Variants in CFAP95 observed in about 807,000 individuals in gnomAD.
CFAP95 encodes the protein cilia and flagella associated protein 95, also known as cilia- and flagella-associated protein 95.
the CFAP95 span, among the ~76,000 whole-genome samples, chr9:69,876,823 C>T: frequency 1.3e-5 from 2 of 152,034 alleles, no homozygotes; most frequent in South Asian, 2.1e-4. Flanking sequence ...TTAGTAGAGA[C>T]GGGGTTTCAC....
At chr9:69,872,188 T>C in the CFAP95 span, among the ~76,000 whole-genome samples, 1 of 152,194 alleles carries the variant, frequency 6.6e-6, no homozygotes, top group Non-Finnish European at 1.5e-5. Context: ...GCAGTTACTT[T>C]TGCACCAACC....
chr9:69,882,671 T>C, the CFAP95 span, among the ~76,000 whole-genome samples: 1 of 152,234 alleles, frequency 6.6e-6, no homozygotes, highest in African/African-American at 2.4e-5. Flanking sequence ...TGTTGAACTT[T>C]TATCAAATAC....
the CFAP95 span, among the ~76,000 whole-genome samples, chr9:69,844,796 C>G: frequency 6.6e-6 from 1 of 152,178 alleles, no homozygotes. Context: ...AATGTGCCTA[C>G]CTCACAAAGT....
the CFAP95 span, among the ~76,000 whole-genome samples, chr9:69,842,504 C>A: frequency 2.6e-5 from 4 of 152,064 alleles, no homozygotes; most frequent in East Asian, 7.7e-4. Flanking sequence ...GATTTTGGAG[C>A]CTGATTAGTA....
the CFAP95 span, among the ~76,000 whole-genome samples, chr9:69,853,672 A>G: frequency 6.6e-6 from 1 of 152,202 alleles, no homozygotes; most frequent in Non-Finnish European, 1.5e-5. Flanking sequence ...TTTTCACATT[A>G]AGATGGTGTA....
the CFAP95 span, among the ~76,000 whole-genome samples, chr9:69,852,187 T>G: frequency 2.0e-5 from 3 of 151,686 alleles, no homozygotes; most frequent in Admixed American, 6.6e-5. Flanking sequence ...TTGGCAACGG[T>G]GCAGAAAAGC....
chr9:69,899,174 T>C, the CFAP95 span, among the ~76,000 whole-genome samples: 1 of 152,238 alleles, frequency 6.6e-6, no homozygotes, highest in African/African-American at 2.4e-5. Context: ...ACTCTGTGTG[T>C]GTAGCACCGA....
chr9:69,822,315 C>T, the CFAP95 span, among the ~76,000 whole-genome samples: 51 of 152,328 alleles, frequency 3.3e-4, no homozygotes, highest in African/African-American at 1.1e-3. Flanking sequence ...GTAATATATG[C>T]GACCCCTGCA....
chr9:69,891,503 T>C, the CFAP95 span, among the ~76,000 whole-genome samples: 2 of 150,402 alleles, frequency 1.3e-5, no homozygotes, highest in South Asian at 2.1e-4. Context: ...TATTCTTCTT[T>C]TTTTTTTTTT....
the CFAP95 span, among the ~76,000 whole-genome samples, chr9:69,850,128 G>A: frequency 6.6e-6 from 1 of 152,216 alleles, no homozygotes; most frequent in Non-Finnish European, 1.5e-5. Context: ...CCACTTCTGA[G>A]AAAGGGGTGC....
At chr9:69,838,506 A>G in the CFAP95 span, among the ~76,000 whole-genome samples, 1 of 151,448 alleles carries the variant, frequency 6.6e-6, no homozygotes, top group Admixed American at 6.6e-5. Flanking sequence ...TGTGAATGGG[A>G]GTTCACTCAT....
At chr9:69,853,879 T>C in the CFAP95 span, among the ~76,000 whole-genome samples, 1 of 152,210 alleles carries the variant, frequency 6.6e-6, no homozygotes, top group Non-Finnish European at 1.5e-5. Flanking sequence ...TGGAAAACAG[T>C]CATTTTGTCC....
chr9:69,868,527 A>C, the CFAP95 span, among the ~76,000 whole-genome samples: 16 of 152,034 alleles, frequency 1.1e-4, no homozygotes, highest in Admixed American at 7.9e-4. Context: ...GCATGGTGGC[A>C]CATGCCTGTA....
the CFAP95 span, chr9:69,906,131 A>G: frequency 8.2e-5 from 130 of 1,594,940 alleles, no homozygotes; most frequent in Non-Finnish European, 1.0e-4. Flanking sequence ...TATTGTGCCA[A>G]TTTAAAAATA....
At chr9:69,861,777 T>C in the CFAP95 span, among the ~76,000 whole-genome samples, 1 of 151,422 alleles carries the variant, frequency 6.6e-6, no homozygotes, top group Admixed American at 6.6e-5. Flanking sequence ...TAAGTCTCTT[T>C]ACTGTGGTTT....
the CFAP95 span, among the ~76,000 whole-genome samples, chr9:69,861,947 G>T: frequency 6.6e-6 from 1 of 152,030 alleles, no homozygotes; most frequent in Non-Finnish European, 1.5e-5. Context: ...AACTTGGTTA[G>T]GTCCCTCACT....
chr9:69,879,814 G>A, the CFAP95 span, among the ~76,000 whole-genome samples: 8 of 152,078 alleles, frequency 5.3e-5, no homozygotes, highest in East Asian at 1.5e-3. Flanking sequence ...GATATTTAGT[G>A]AGAATTTAGA....
chr9:69,891,338 A>T, the CFAP95 span, among the ~76,000 whole-genome samples: 1 of 152,184 alleles, frequency 6.6e-6, no homozygotes, highest in Non-Finnish European at 1.5e-5. Context: ...TGTGGCCTCA[A>T]GTCCCCCGGG....
the CFAP95 span, among the ~76,000 whole-genome samples, chr9:69,847,348 G>A: frequency 2.6e-5 from 4 of 152,174 alleles, no homozygotes; most frequent in Non-Finnish European, 5.9e-5. Context: ...AAATGAGGGA[G>A]CTGAGAACAA....
Sources: allele counts gnomAD v4.1 joint callset (sites outside exome capture counted in the v4.1 genomes callset), GRCh38; gene constraint gnomAD v4.1.1; transcripts MANE v1.5; gene names NCBI Gene and HGNC (gene_info 2026-07-23, HGNC 2026-07-21).